The following ASIC2 variants were observed in gnomAD, a reference collection of about 807,000 sequenced individuals.
ASIC2 encodes acid sensing ion channel subunit 2, also known as acid-sensing ion channel 2.
In ASIC2, 25 loss-of-function variants were observed where a neutral mutation model predicts 57.3. The observed-to-expected ratio is 0.44, with a 90% CI of 0.32 to 0.61. The LOEUF is 0.61. ASIC2 is among the 20% of genes least tolerant of loss of function. The pLI is 0.06. For missense variants in ASIC2, 641 were observed against 738.1 expected (o/e 0.87, Z 1.52); for synonymous variants, 319 against 307.5 (o/e 1.04, Z -0.39).
chr17:34,132,572 G>A (rs1237628003), intron 1 of ASIC2, among the ~76,000 whole-genome samples: 1 of 151,750 alleles, frequency 6.6e-6, no homozygotes, highest in African/African-American at 2.4e-5. Flanking sequence ...ACTGATTGGT[G>A]CATTTTACAG....
chr17:33,533,261 G>T (rs551594028), intron 1 of ASIC2, among the ~76,000 whole-genome samples: 2 of 152,060 alleles, frequency 1.3e-5, no homozygotes, highest in Non-Finnish European at 2.9e-5. Flanking sequence ...CAGGAGAATC[G>T]CTTGAACTCA....
intron 1 of ASIC2, chr17:33,581,244 C>T (rs1334827514): frequency 6.6e-6 from 1 of 152,126 alleles, no homozygotes; most frequent in Non-Finnish European, 1.5e-5. Context: ...TGCAGGAGGC[C>T]ATGAGCCAAG....
rs145466413 is a variant in ASIC2, at chr17:33,335,601, G to A, written c.556-223534C>T. Among the ~76,000 whole-genome samples, 832 of 152,224 alleles carry A rather than the reference G, an allele frequency of 5.5e-3. 6 individuals are homozygous for A. Among genetic ancestry groups the A allele is most frequent in the Middle Eastern group, 0.051 (15 of 294 alleles). On this transcript the variant is annotated intron_variant, in intron 1 of 9. Transcript: ENST00000359872. ...GAGTCAATAAATCCATATGCGTGGG[G>A]ACTTACAGGAGAACCTACACTTGTG...
At chr17:33,681,433 G>A (rs950844454) in intron 1 of ASIC2, among the ~76,000 whole-genome samples, 1 of 152,110 alleles carries the variant, frequency 6.6e-6, no homozygotes, top group Non-Finnish European at 1.5e-5. Flanking sequence ...ATGTCCCCTA[G>A]AGGGCAAAAT....
At chr17:34,075,077 G>A (rs566253300) in intron 1 of ASIC2, among the ~76,000 whole-genome samples, 3 of 152,116 alleles carry the variant, frequency 2.0e-5, no homozygotes, top group Non-Finnish European at 4.4e-5. Context: ...GAGCCACCGC[G>A]CCCGGCCAGA....
chr17:33,920,971 TAA>T (rs1162992780), intron 1 of ASIC2, among the ~76,000 whole-genome samples: 1 of 152,188 alleles, frequency 6.6e-6, no homozygotes, highest in Non-Finnish European at 1.5e-5. Context: ...CCATAACTCA[TAA>T]AGTTTATGGG....
intron 1 of ASIC2, among the ~76,000 whole-genome samples, chr17:33,641,309 A>T (rs1329872005): frequency 6.6e-6 from 1 of 152,246 alleles, no homozygotes; most frequent in Non-Finnish European, 1.5e-5. Context: ...ACAAAACAGA[A>T]GAACCCACCT....
At chr17:33,406,583 A>G (rs12946637) in intron 1 of ASIC2, among the ~76,000 whole-genome samples, 7 of 152,216 alleles carry the variant, frequency 4.6e-5, no homozygotes, top group African/African-American at 1.4e-4. Context: ...TTCCTTGATT[A>G]TAAGATGAGA....
At chr17:33,865,760 A>C (rs202174704) in intron 1 of ASIC2, among the ~76,000 whole-genome samples, 3 of 87,694 alleles carry the variant, frequency 3.4e-5, no homozygotes, top group Admixed American at 1.3e-4. Flanking sequence ...AAAAAAAAAT[A>C]AAAAAAAAAA....
chr17:33,453,711 C>A (rs1177019016), intron 1 of ASIC2, among the ~76,000 whole-genome samples: 1 of 152,144 alleles, frequency 6.6e-6, no homozygotes, highest in Non-Finnish European at 1.5e-5. Context: ...CCTGTGGGAC[C>A]AGCGCCACAA....
intron 1 of ASIC2, among the ~76,000 whole-genome samples, chr17:33,384,521 C>G (rs1289247919): frequency 6.6e-6 from 1 of 152,070 alleles, no homozygotes; most frequent in African/African-American, 2.4e-5. Flanking sequence ...GGCTAAAATT[C>G]CAAGTTATGT....
intron 1 of ASIC2, among the ~76,000 whole-genome samples, chr17:33,272,255 C>T (rs902729378): frequency 2.0e-5 from 3 of 152,188 alleles, no homozygotes; most frequent in Non-Finnish European, 4.4e-5. Context: ...GAAATTATGG[C>T]ATTTGTTTAT....
rs574013119 is a variant in ASIC2, at chr17:33,310,734, A to G, written c.556-198667T>C. Among the ~76,000 whole-genome samples, 97 of 152,262 alleles carry G rather than the reference A, an allele frequency of 6.4e-4. 1 individual carries two copies. Among genetic ancestry groups the G allele is most frequent in the Admixed American group, 4.8e-3 (74 of 15,296 alleles). ...AAGACACAGCGTCTTCTCTTGGAAC[A>G]TGCACCTGCTGATTTCAGTGATGTT... On this transcript the variant is annotated intron_variant, in intron 1 of 9. Transcript: ENST00000359872.
chr17:33,972,740 A>C (rs1905257325), intron 1 of ASIC2, among the ~76,000 whole-genome samples: 1 of 152,256 alleles, frequency 6.6e-6, no homozygotes, highest in East Asian at 1.9e-4. Context: ...AAAAGAGAAC[A>C]CAGAACAGGT....
intron 1 of ASIC2, among the ~76,000 whole-genome samples, chr17:33,895,166 A>ATTT (rs11387427): frequency 1.4e-5 from 2 of 143,970 alleles, no homozygotes; most frequent in Admixed American, 6.9e-5. Context: ...TTTTTTTGCT[A>ATTT]TTTTTTTTTT....
chr17:34,046,328 T>C (rs1344583818), intron 1 of ASIC2, among the ~76,000 whole-genome samples: 2 of 152,242 alleles, frequency 1.3e-5, no homozygotes, highest in Non-Finnish European at 1.5e-5. Flanking sequence ...GTAAATGTTA[T>C]AAGTGACAAC....
chr17:33,506,013 T>G (rs1914239676), intron 1 of ASIC2, among the ~76,000 whole-genome samples: 1 of 152,192 alleles, frequency 6.6e-6, no homozygotes, highest in Admixed American at 6.5e-5. Flanking sequence ...TTTGATGAGA[T>G]GGACATGAAT....
At chr17:33,430,664 T>C (rs1911380806) in intron 1 of ASIC2, among the ~76,000 whole-genome samples, 1 of 152,166 alleles carries the variant, frequency 6.6e-6, no homozygotes, top group Admixed American at 6.5e-5. Context: ...GCAGCTGCCA[T>C]GTGGAAATGC....
At chr17:33,860,036 C>G (rs1188717794) in intron 1 of ASIC2, among the ~76,000 whole-genome samples, 1 of 152,088 alleles carries the variant, frequency 6.6e-6, no homozygotes, top group Non-Finnish European at 1.5e-5. Context: ...AACTTGGGGA[C>G]AGCAGCTTGG....
Sources: gnomAD v4.1 joint callset for allele counts (sites outside exome capture counted in the v4.1 genomes callset) on GRCh38, gnomAD v4.1.1 for gene constraint, MANE v1.5 for transcripts, NCBI Gene and HGNC (gene_info 2026-07-23, HGNC 2026-07-21) for gene names.